PDE4D: variants seen among roughly 807,000 people sequenced by gnomAD.
The protein encoded by PDE4D is 3',5'-cyclic-AMP phosphodiesterase 4D.
PDE4D carries 24 observed loss-of-function variants against 87.4 expected under a neutral mutation model. The observed-to-expected ratio is 0.27, with a 90% CI of 0.20 to 0.39. PDE4D has a LOEUF of 0.39. Ranked by LOEUF, PDE4D falls within the 10% of genes least tolerant of loss-of-function variation. The pLI is 1.00. For synonymous variants in PDE4D, 384 were observed against 383.2 expected, an observed-to-expected ratio of 1.00 and a Z score of -0.02; for missense variants, 714 against 1,041.0, an observed-to-expected ratio of 0.69 and a Z score of 4.32.
chr5:60,084,052 T>A (rs1774266188), intron 2 of PDE4D, among the ~76,000 whole-genome samples: 1 of 152,264 alleles, frequency 6.6e-6, no homozygotes, highest in Non-Finnish European at 1.5e-5. Flanking sequence ...CATACATTAT[T>A]GCTTTGTGAA....
intron 3 of PDE4D, among the ~76,000 whole-genome samples, chr5:59,951,882 G>A (rs531701037): frequency 1.9e-4 from 29 of 152,026 alleles, no homozygotes; most frequent in Non-Finnish European, 3.2e-4. Context: ...AAATATCCCC[G>A]TTAAACATCT....
At chr5:59,300,701 C>T (rs759589984) in intron 1 of PDE4D, among the ~76,000 whole-genome samples, 4 of 151,936 alleles carry the variant, frequency 2.6e-5, no homozygotes, top group East Asian at 1.9e-4. Flanking sequence ...ACCAAGCAGC[C>T]AACACTAGCT....
chr5:59,995,952 G>A (rs141801631), intron 2 of PDE4D, among the ~76,000 whole-genome samples: 1 of 152,306 alleles, frequency 6.6e-6, no homozygotes, highest in East Asian at 1.9e-4. Context: ...AGAGGAAATG[G>A]TATTAGATAT....
chr5:60,431,479 G>A (rs1162855696), intron 1 of PDE4D, among the ~76,000 whole-genome samples: 1 of 151,730 alleles, frequency 6.6e-6, no homozygotes, highest in Non-Finnish European at 1.5e-5. Flanking sequence ...ACGATGGGCG[G>A]CCGGGCAGAG....
At chr5:60,187,182 T>C (rs1449125848) in intron 1 of PDE4D, among the ~76,000 whole-genome samples, 2 of 152,164 alleles carry the variant, frequency 1.3e-5, no homozygotes, top group African/African-American at 4.8e-5. Flanking sequence ...ATAAATACTG[T>C]TTCTCTGAGT....
At chr5:59,423,991 G>A (rs1346807104) in intron 1 of PDE4D, among the ~76,000 whole-genome samples, 1 of 152,106 alleles carries the variant, frequency 6.6e-6, no homozygotes, top group Non-Finnish European at 1.5e-5. Context: ...TTGGACCCAA[G>A]ATGGTAGCAG....
At chr5:59,770,677 A>G (rs940233917) in intron 1 of PDE4D, among the ~76,000 whole-genome samples, 1 of 152,238 alleles carries the variant, frequency 6.6e-6, no homozygotes, top group Non-Finnish European at 1.5e-5. Flanking sequence ...AAAAATTCAG[A>G]TGATAGGATA....
upstream of PDE4D, among the ~76,000 whole-genome samples, chr5:59,898,677 G>A (rs1424244278): frequency 6.6e-6 from 1 of 152,150 alleles, no homozygotes; most frequent in Non-Finnish European, 1.5e-5. Flanking sequence ...GAGATATTGT[G>A]GGGCATTGGA....
intron 1 of PDE4D, among the ~76,000 whole-genome samples, chr5:59,691,062 A>C (rs935692150): frequency 3.9e-5 from 6 of 152,228 alleles, no homozygotes; most frequent in African/African-American, 1.4e-4. Flanking sequence ...ATTAAAAAGT[A>C]AGGAAACAAC....
chr5:60,293,942 G>T (rs899176865), intron 1 of PDE4D, among the ~76,000 whole-genome samples: 4 of 152,166 alleles, frequency 2.6e-5, no homozygotes, highest in African/African-American at 7.2e-5. Context: ...ATTTGCTTCT[G>T]GGTAAACAAT....
At chr5:59,270,239 T>C (rs1763567918) in intron 1 of PDE4D, among the ~76,000 whole-genome samples, 1 of 152,182 alleles carries the variant, frequency 6.6e-6, no homozygotes, top group Non-Finnish European at 1.5e-5. Flanking sequence ...GAACCAACTT[T>C]GACAGTAGTC....
At chr5:59,232,910 C>G (rs1755557007) in intron 1 of PDE4D, among the ~76,000 whole-genome samples, 1 of 151,782 alleles carries the variant, frequency 6.6e-6, no homozygotes, top group Non-Finnish European at 1.5e-5. Flanking sequence ...CATGAATTGA[C>G]CTGAATGTTA....
intron 2 of PDE4D, among the ~76,000 whole-genome samples, chr5:60,010,528 G>A (rs894803790): frequency 6.6e-6 from 1 of 152,126 alleles, no homozygotes; most frequent in Non-Finnish European, 1.5e-5. Context: ...TCACTCCCCA[G>A]GGGTGGTATG....
intron 5 of PDE4D, chr5:59,039,310 A>G (rs1321254220): frequency 9.6e-7 from 1 of 1,045,320 alleles, no homozygotes; most frequent in East Asian, 9.3e-5. Flanking sequence ...CCCGAGTCCC[A>G]GTCCAGGAGC....
chr5:59,157,847 C>A (rs923564837), intron 5 of PDE4D, among the ~76,000 whole-genome samples: 7 of 152,108 alleles, frequency 4.6e-5, no homozygotes, highest in Non-Finnish European at 7.4e-5. Flanking sequence ...TGGAGCCAGA[C>A]TGATGGAACA....
intron 1 of PDE4D, among the ~76,000 whole-genome samples, chr5:60,392,368 T>C (rs1287187157): frequency 6.6e-6 from 1 of 151,964 alleles, no homozygotes; most frequent in African/African-American, 2.4e-5. Context: ...ATATGATTTT[T>C]GTTTTTTCTA....
intron 2 of PDE4D, among the ~76,000 whole-genome samples, chr5:60,177,979 T>C (rs996321001): frequency 6.6e-6 from 1 of 152,198 alleles, no homozygotes; most frequent in African/African-American, 2.4e-5. Flanking sequence ...ACAAATTATA[T>C]ACACATTTAT....
At chr5:59,199,209 T>C (rs1746165348) in intron 2 of PDE4D, among the ~76,000 whole-genome samples, 1 of 152,094 alleles carries the variant, frequency 6.6e-6, no homozygotes, top group South Asian at 2.1e-4. Flanking sequence ...ATGCATGAAC[T>C]AGCACTGTGA....
intron 1 of PDE4D, among the ~76,000 whole-genome samples, chr5:59,338,874 C>CA (rs1289610028): frequency 2.0e-5 from 3 of 152,010 alleles, no homozygotes; most frequent in African/African-American, 7.2e-5. Context: ...ACATTTTTAG[C>CA]ATAATTTAGA....
Sources: allele counts gnomAD v4.1 joint callset (sites outside exome capture counted in the v4.1 genomes callset), GRCh38; gene constraint gnomAD v4.1.1; transcripts MANE v1.5; gene names NCBI Gene and HGNC (gene_info 2026-07-23, HGNC 2026-07-21).